Variants in ST6GALNAC1 observed in about 807,000 individuals in gnomAD.
The protein encoded by ST6GALNAC1 is alpha-N-acetylgalactosaminide alpha-2,6-sialyltransferase 1.
A neutral mutation model predicts 56.8 loss-of-function variants in ST6GALNAC1; 45 were observed. The observed-to-expected ratio is 0.79, with a 90% confidence interval of 0.62 to 1.02. ST6GALNAC1 has a LOEUF of 1.02. Among genes scored for constraint, ST6GALNAC1 ranks in the 50% least tolerant of loss-of-function variants. ST6GALNAC1 has a pLI of 0.00. For missense variants in ST6GALNAC1, 743 were observed against 754.8 expected, an observed-to-expected ratio of 0.98 and a Z score of 0.18; for synonymous variants, 295 against 297.8, an observed-to-expected ratio of 0.99 and a Z score of 0.10.
chr17:76,620,118 G>A (rs899795685), downstream of ST6GALNAC1, among the ~76,000 whole-genome samples: 1 of 151,954 alleles, frequency 6.6e-6, no homozygotes, highest in Non-Finnish European at 1.5e-5. Flanking sequence ...TTGGCTCATT[G>A]CAACCTCTGC....
At chr17:76,617,770 C>CAA in the ST6GALNAC1 span, among the ~76,000 whole-genome samples, 2 of 101,374 alleles carry the variant, frequency 2.0e-5, no homozygotes, top group Admixed American at 1.1e-4. Context: ...GACTCTGTCT[C>CAA]AAAAAAAAAA....
At chr17:76,631,399 G>A (rs2075897607) in intron 1 of ST6GALNAC1, among the ~76,000 whole-genome samples, 1 of 152,074 alleles carries the variant, frequency 6.6e-6, no homozygotes, top group African/African-American at 2.4e-5. Context: ...TCCCGAAAAG[G>A]CTAATGGGCT....
intron 2 of ST6GALNAC1, among the ~76,000 whole-genome samples, chr17:76,628,116 A>T (rs1463594845): frequency 6.6e-6 from 1 of 150,516 alleles, no homozygotes; most frequent in South Asian, 2.1e-4. Context: ...AAAAAAAAAA[A>T]ATGCAAATGC....
intron 1 of ST6GALNAC1, among the ~76,000 whole-genome samples, chr17:76,641,637 T>C (rs2076049576): frequency 6.6e-6 from 1 of 152,222 alleles, no homozygotes; most frequent in Admixed American, 6.5e-5. Flanking sequence ...CTTGCACCTG[T>C]CAGTGTAGCA....
At chr17:76,622,830 A>G (rs560113743), downstream of ST6GALNAC1, among the ~76,000 whole-genome samples, 70 of 141,122 alleles carry the variant, frequency 5.0e-4, no homozygotes, top group African/African-American at 1.8e-3. Flanking sequence ...GTCTTGCTCT[A>G]TCGCCCAGGC....
At chr17:76,617,702 T>C in the ST6GALNAC1 span, among the ~76,000 whole-genome samples, 1 of 150,740 alleles carries the variant, frequency 6.6e-6, no homozygotes, top group East Asian at 1.9e-4. Context: ...GCCCAAGAGG[T>C]CAAGGCTGCA....
downstream of ST6GALNAC1, among the ~76,000 whole-genome samples, chr17:76,620,292 G>A (rs1242016375): frequency 6.6e-6 from 1 of 151,922 alleles, no homozygotes; most frequent in Non-Finnish European, 1.5e-5. Flanking sequence ...TGCCTGCCTC[G>A]GTCTCCCAAA....
rs1333448432 is a variant in ST6GALNAC1 at position 76,627,967 on chromosome 17, GGCGCCTGTAGTTCCA to G, written c.832-399_832-385del. On this transcript the variant is annotated intron_variant, in intron 2 of 8. Coordinates refer to ENST00000156626, the MANE Select transcript of ST6GALNAC1 (RefSeq NM_018414.5). The surrounding 1 kb of genome is among the most constrained non-coding windows in gnomAD (Gnocchi z 4.4). Reference sequence around the variant, plus strand: ...AAAAAATTAGCCGGGCGTGGTGGCGGGCGCCTGTAGTTCCAGCTACTCGGGAGGCTGAGGCAGGAG... The same window carrying G: ...AAAAAATTAGCCGGGCGTGGTGGCGGGCTACTCGGGAGGCTGAGGCAGGAG... Among the ~76,000 whole-genome samples the G allele has an allele frequency of 2.6e-5, 4 of 152,090 alleles. No individual in the cohort carries two copies. In the East Asian group the frequency reaches 7.8e-4, roughly 30 times the overall value.
chr17:76,628,290 C>CCTTT (rs1459400793), intron 2 of ST6GALNAC1, among the ~76,000 whole-genome samples: 1 of 129,044 alleles, frequency 7.7e-6, no homozygotes, highest in Non-Finnish European at 1.6e-5. Context: ...TTCCTTCCTT[C>CCTTT]CGTCTTTCCT....
Position 76,626,078 on chromosome 17 carries a change from G to T in ST6GALNAC1, c.1433C>A (p.Ala478Asp), listed in dbSNP as rs1220402488. 5.0e-6 allele frequency: 8 copies of T among 1,614,026 alleles called. No individual in the cohort carries two copies. The highest frequency in any genetic ancestry group is 1.3e-5 in the African/African-American group (1 of 74,906). Residue 478 changes from alanine to aspartate, a missense_variant, in exon 7 of 9, where the codon GCT becomes GAT. By Grantham distance (126) the Ala-to-Asp change is moderately radical. Transcript: ENST00000156626. ...GTCCATGTGCAGGGCTTCCCGAAAA[G>T]CTTCCTGGGGTCTGTGCCTGTGGTT... is the stretch of plus-strand genomic sequence containing the variant. ...LFWFRHRPQE[A>D]FREALHMDRY...
At chr17:76,619,150 C>G in the ST6GALNAC1 span, among the ~76,000 whole-genome samples, 3 of 152,074 alleles carry the variant, frequency 2.0e-5, no homozygotes, top group African/African-American at 7.2e-5. Context: ...TTAAGCACGT[C>G]CTTACTTTCT....
At chr17:76,622,550 A>G (rs1427617733), downstream of ST6GALNAC1, among the ~76,000 whole-genome samples, 3 of 151,978 alleles carry the variant, frequency 2.0e-5, no homozygotes. Flanking sequence ...TTTTTAGTAG[A>G]GATGGGGTTT....
intron 1 of ST6GALNAC1, among the ~76,000 whole-genome samples, chr17:76,630,511 G>A (rs2075876719): frequency 6.6e-6 from 1 of 152,030 alleles, no homozygotes; most frequent in Non-Finnish European, 1.5e-5. Flanking sequence ...AACTTCCCAA[G>A]GGTGTTAGGA....
chr17:76,629,023 C>G lies in ST6GALNAC1; in HGVS notation c.820G>C (p.Gly274Arg), dbSNP rs753996478. The G allele has an allele frequency of 2.8e-5, 43 of 1,529,232 alleles. 1 individual carries two copies. In the South Asian group the frequency reaches 5.6e-4, roughly 20 times the overall value. The allele number at this position is 1,529,232 out of a possible 1,614,324, so 94.7% of individuals were successfully genotyped here. The change falls in exon 2 of 9, where the codon GGC becomes CGC. Residue 274 changes from glycine (G) to arginine (R), a missense_variant. By Grantham distance (125) the Gly-to-Arg change is moderately radical. Coordinates refer to ENST00000156626, the MANE Select transcript of ST6GALNAC1 (RefSeq NM_018414.5). ...TGGCAAAAACTCACCGTCTGAAGGC[C>G]TCCTATTTCGAAGCTGTATTTTTCC... is the stretch of plus-strand genomic sequence containing the variant. ...FEEKYSFEIG[G>R]LQTTCPDSVK... is the part of the protein sequence containing the mutation.
rs2075860680 is a variant in ST6GALNAC1, at chr17:76,629,449, T to C, written c.394A>G (p.Thr132Ala). The C allele has an allele frequency of 2.5e-6, 4 of 1,613,952 alleles. No homozygotes were observed. In the Admixed American group the frequency reaches 6.7e-5, roughly 27 times the overall value. ...AAWKSPEKEKTMVNTLSPRGQ... is the reference protein window; with the variant it reads ...AAWKSPEKEKAMVNTLSPRGQ... ...CTGGGTGACAGTGTGTTCACCATGG[T>C]TTTCTCTTTTTCTGGGCTCTTCCAT... Residue 132 changes from threonine (T) to alanine (A), a missense_variant, in exon 2 of 9, where the codon ACC becomes GCC. Transcript: ENST00000156626.
At position 76,629,215 on chromosome 17, in the gene ST6GALNAC1, C is replaced by T. The variant is rs777239689; in HGVS notation, c.628G>A (p.Val210Met). ...QHRMLAPTGA[V>M]STRTRQKGVT... Reference sequence around the variant, plus strand: ...CCTTTCTGTCTCGTCCTTGTTGACACTGCTCCTGTGGGAGCCAGCATTCTG... The same window carrying T: ...CCTTTCTGTCTCGTCCTTGTTGACATTGCTCCTGTGGGAGCCAGCATTCTG... Residue 210 changes from valine to methionine, a missense_variant, in exon 2 of 9, where the codon GTG becomes ATG. Physicochemically the swap from Val to Met is conservative, Grantham distance 21. Transcript: ENST00000156626. The T allele has an allele frequency of 1.9e-6, 3 of 1,614,198 alleles. No homozygotes were observed. The highest frequency in any genetic ancestry group is 1.3e-5 in the African/African-American group (1 of 75,046).
At chr17:76,635,886 G>C (rs1294005608) in intron 1 of ST6GALNAC1, among the ~76,000 whole-genome samples, 1 of 152,174 alleles carries the variant, frequency 6.6e-6, no homozygotes, top group Non-Finnish European at 1.5e-5. Flanking sequence ...AGTGTCATCG[G>C]TATGATATTA....
intron 2 of ST6GALNAC1, among the ~76,000 whole-genome samples, chr17:76,628,283 C>CTTCA (rs2075840811): frequency 7.0e-6 from 1 of 141,920 alleles, no homozygotes; most frequent in Non-Finnish European, 1.5e-5. Flanking sequence ...TCCTTCCTTC[C>CTTCA]TTCCTTCCGT....
Position 76,626,737 on chromosome 17 carries a change from A to C in ST6GALNAC1, c.1225T>G (p.Ser409Ala). Residue 409 changes from serine to alanine, a missense_variant, in exon 5 of 9, where the codon TCC becomes GCC. By Grantham distance (99) the Ser-to-Ala change is moderately conservative. Coordinates refer to ENST00000156626, the MANE Select transcript of ST6GALNAC1 (RefSeq NM_018414.5). ...GAGAAGGCGGTAAAGCCGTAGAAGGATGTCCGAGTCCCCACATCCTGTTCG... is the reference window on the plus strand; with the variant it reads ...GAGAAGGCGGTAAAGCCGTAGAAGGCTGTCCGAGTCCCCACATCCTGTTCG... ...GYEQDVGTRT[S>A]FYGFTAFSLT... 2 of 1,614,214 alleles carry C rather than the reference A, an allele frequency of 1.2e-6. No homozygotes were observed. The highest frequency in any genetic ancestry group is 1.7e-6 in the Non-Finnish European group (2 of 1,180,030).
Sources: gnomAD v4.1 joint callset for allele counts (sites outside exome capture counted in the v4.1 genomes callset) on GRCh38, gnomAD v4.1.1 for gene constraint, Gnocchi (gnomAD v3.1) non-coding constraint, MANE v1.5 for transcripts, NCBI Gene and HGNC (gene_info 2026-07-23, HGNC 2026-07-21) for gene names.